SASH1: variants seen among roughly 807,000 people sequenced by gnomAD.
The protein encoded by SASH1 is SAM and SH3 domain containing 1, also known as SAM and SH3 domain-containing protein 1.
In SASH1, 44 loss-of-function variants were observed where a neutral mutation model predicts 125.2. The ratio of observed to expected loss-of-function variants is 0.35; its 90% CI spans 0.28 to 0.45. SASH1 has a LOEUF of 0.45. SASH1 is among the 20% of genes least tolerant of loss of function. The probability of loss-of-function intolerance (pLI) is 1.00; values close to 1 mark genes in which losing one functional copy is unlikely to be tolerated. For missense variants in SASH1, 1,426 were observed against 1,614.5 expected, an observed-to-expected ratio of 0.88 and a Z score of 2.00; for synonymous variants, 639 against 649.1, an observed-to-expected ratio of 0.98 and a Z score of 0.24.
intron 7 of SASH1, among the ~76,000 whole-genome samples, chr6:148,475,792 G>C (rs962759559): frequency 6.6e-6 from 1 of 152,204 alleles, no homozygotes; most frequent in African/African-American, 2.4e-5. Flanking sequence ...TGAAACTGCA[G>C]ATGGTACCAA....
intron 4 of SASH1, among the ~76,000 whole-genome samples, chr6:148,445,428 T>C (rs1374768620): frequency 1.3e-5 from 2 of 152,226 alleles, no homozygotes; most frequent in Non-Finnish European, 2.9e-5. Context: ...CAGACACTTT[T>C]AAGAATATTT....
intron 4 of SASH1, among the ~76,000 whole-genome samples, chr6:148,443,258 G>T (rs1333372080): frequency 6.6e-6 from 1 of 150,932 alleles, no homozygotes; most frequent in Admixed American, 6.6e-5. Flanking sequence ...GTTGTTTGAT[G>T]AAGTATTTGT....
intron 1 of SASH1, among the ~76,000 whole-genome samples, chr6:148,302,894 C>A (rs1328514080): frequency 6.6e-6 from 1 of 151,434 alleles, no homozygotes; most frequent in South Asian, 2.1e-4. Context: ...CTATTCTTCT[C>A]CCAGTTCAAC....
At chr6:148,417,162 A>G (rs963216020) in intron 2 of SASH1, among the ~76,000 whole-genome samples, 52 of 152,298 alleles carry the variant, frequency 3.4e-4, no homozygotes, top group African/African-American at 1.2e-3. Context: ...CAAAGAAGAA[A>G]TGAAAACACA....
At chr6:148,402,152 A>T (rs778465253) in intron 2 of SASH1, among the ~76,000 whole-genome samples, 6 of 152,192 alleles carry the variant, frequency 3.9e-5, no homozygotes, top group Non-Finnish European at 8.8e-5. Context: ...GCTATTCTGC[A>T]TCATTGATCA....
At chr6:148,322,786 G>A (rs942913762) in intron 1 of SASH1, among the ~76,000 whole-genome samples, 6 of 152,026 alleles carry the variant, frequency 3.9e-5, no homozygotes, top group African/African-American at 9.7e-5. Context: ...TGACTCTGAT[G>A]TTCTCCATCT....
the SASH1 span, among the ~76,000 whole-genome samples, chr6:148,221,701 AT>A: frequency 6.6e-6 from 1 of 152,186 alleles, no homozygotes; most frequent in Admixed American, 6.5e-5. Flanking sequence ...CCAGAGCATA[AT>A]TTTCCCTTTG....
rs1315452912 is a variant in SASH1, at chr6:148,519,134, A to C, written c.863-413A>C. ...TGACATTTATCACACTCCAACTATA[A>C]AAAGCGACCAGAGCCAACATAAAGG... On this transcript the variant is annotated intron_variant, in intron 9 of 19. Transcript: ENST00000367467. This position sits in a 1 kb window ranked among gnomAD's most constrained non-coding sequence, Gnocchi z 4.8. Among the ~76,000 whole-genome samples the C allele has an allele frequency of 2.6e-5, 4 of 152,208 alleles. No homozygotes were observed. The highest frequency in any genetic ancestry group is 9.6e-5 in the African/African-American group (4 of 41,458).
chr6:148,267,399 GA>G (rs1778973663), upstream of SASH1, among the ~76,000 whole-genome samples: 4 of 142,166 alleles, frequency 2.8e-5, no homozygotes, highest in African/African-American at 4.9e-5. Context: ...GTGTGTGTGA[GA>G]TGGAGTCTCA....
chr6:148,531,160 A>G (rs1191561979), intron 12 of SASH1, among the ~76,000 whole-genome samples: 1 of 152,298 alleles, frequency 6.6e-6, no homozygotes, highest in East Asian at 1.9e-4. Flanking sequence ...TATTCTAGTA[A>G]TCATGGATTG....
At position 148,544,642 on chromosome 6, in the gene SASH1, C is replaced by A. The variant is rs1197500181; in HGVS notation, c.3172C>A (p.Pro1058Thr). ...APGSPPSTRPPPWLSELPENT... is the reference protein window; with the variant it reads ...APGSPPSTRPTPWLSELPENT... ...TGGCAGCCCACCAAGCACAAGGCCG[C>A]CCCCCTGGCTCTCAGAGCTCCCCGA... Residue 1058 changes from proline (P) to threonine (T), a missense_variant, in exon 18 of 20, where the codon CCC (proline) becomes ACC (threonine). Physicochemically the swap from Pro to Thr is conservative, Grantham distance 38 (BLOSUM62 -1). This residue lies in a region of SASH1 where 634 missense variants were observed against 694.4 expected (regional missense o/e 0.91). Coordinates refer to ENST00000367467, the MANE Select transcript of SASH1 (RefSeq NM_015278.5). This position sits in a 1 kb window ranked among gnomAD's most constrained non-coding sequence, Gnocchi z 6.4. 1 of 1,613,090 alleles carries A rather than the reference C, an allele frequency of 6.2e-7. No homozygotes were observed. Among genetic ancestry groups the A allele is most frequent in the African/African-American group, 1.3e-5 (1 of 74,912 alleles).
chr6:148,490,519 T>C (rs1159599400), intron 8 of SASH1, among the ~76,000 whole-genome samples: 2 of 152,134 alleles, frequency 1.3e-5, no homozygotes, highest in African/African-American at 4.8e-5. Context: ...CATACAAACA[T>C]TGTAGGGTGC....
chr6:148,462,398 A>G (rs1777654177), intron 4 of SASH1, among the ~76,000 whole-genome samples: 1 of 151,654 alleles, frequency 6.6e-6, no homozygotes, highest in Admixed American at 6.6e-5. Flanking sequence ...TTGGCCATTC[A>G]TTGCACTTTT....
intron 2 of SASH1, among the ~76,000 whole-genome samples, chr6:148,437,618 G>A (rs947945939): frequency 6.6e-6 from 1 of 152,236 alleles, no homozygotes. Context: ...GGGAGGCTGA[G>A]GAATGGCTTG....
chr6:148,340,378 G>A (rs1781285302), upstream of SASH1, among the ~76,000 whole-genome samples: 1 of 151,926 alleles, frequency 6.6e-6, no homozygotes, highest in Non-Finnish European at 1.5e-5. Flanking sequence ...AGCTACTCAG[G>A]AGGCTGATGC....
At chr6:148,487,792 TTCTTTTC>T (rs1324774883) in intron 8 of SASH1, 77 bp downstream of exon 8, 1 of 1,112,548 alleles carries the variant, frequency 9.0e-7, no homozygotes, top group Admixed American at 2.0e-5. Context: ...GTCTTTGTAT[TTCTTTTC>T]GAAACTTCCG....
chr6:148,444,368 G>A (rs1776688359), intron 4 of SASH1, among the ~76,000 whole-genome samples: 1 of 152,196 alleles, frequency 6.6e-6, no homozygotes, highest in Non-Finnish European at 1.5e-5. Context: ...GAGGGAGAGA[G>A]ACAAGCAGTG....
chr6:148,236,997 C>A, the SASH1 span, among the ~76,000 whole-genome samples: 7,087 of 152,224 alleles, frequency 0.047, 536 homozygotes, highest in African/African-American at 0.16. Flanking sequence ...GTAACAAGAC[C>A]CTCACCGGAT....
intron 1 of SASH1, among the ~76,000 whole-genome samples, chr6:148,275,665 C>A (rs187913663): frequency 6.6e-6 from 1 of 152,174 alleles, no homozygotes; most frequent in Non-Finnish European, 1.5e-5. Flanking sequence ...CTCCCTAGCT[C>A]GCTTGCATTT....
Sources: gnomAD v4.1 joint callset for allele counts (sites outside exome capture counted in the v4.1 genomes callset) on GRCh38, gnomAD v4.1.1 for gene constraint, gnomAD v4.1.1 regional missense constraint, Gnocchi (gnomAD v3.1) non-coding constraint, MANE v1.5 for transcripts, NCBI Gene and HGNC (gene_info 2026-07-23, HGNC 2026-07-21) for gene names.